BLNK: variants seen among roughly 807,000 people sequenced by gnomAD.
BLNK encodes B-cell linker protein.
In BLNK, 29 loss-of-function variants were observed where a neutral mutation model predicts 73.5. The observed-to-expected ratio is 0.39, with a 90% CI of 0.29 to 0.54. The LOEUF (loss-of-function observed/expected upper bound fraction) is 0.54. Among genes scored for constraint, BLNK ranks in the 20% least tolerant of loss-of-function variants. The pLI is 0.61. For synonymous variants in BLNK, 176 were observed against 200.8 expected (o/e 0.88, Z 1.04); for missense variants, 460 against 562.8 (o/e 0.82, Z 1.85).
intron 3 of BLNK, among the ~76,000 whole-genome samples, chr10:96,236,516 G>A (rs1434361703): frequency 2.0e-5 from 3 of 152,174 alleles, no homozygotes; most frequent in African/African-American, 2.4e-5. Flanking sequence ...GAGGTGTTCT[G>A]AGTCTAAATA....
At chr10:96,266,600 C>A (rs1844017482) in intron 1 of BLNK, among the ~76,000 whole-genome samples, 1 of 152,182 alleles carries the variant, frequency 6.6e-6, no homozygotes, top group African/African-American at 2.4e-5. Context: ...TCTGGGTAGT[C>A]CATCCATTGG....
At chr10:96,210,863 GTT>G (rs377260098) in intron 8 of BLNK, among the ~76,000 whole-genome samples, 198 of 121,908 alleles carry the variant, frequency 1.6e-3, no homozygotes, top group African/African-American at 5.9e-3. Flanking sequence ...CCACAATTCC[GTT>G]TTTTTTTTTT....
At chr10:96,238,512 C>T (rs1554905520) in intron 3 of BLNK, among the ~76,000 whole-genome samples, 2 of 152,174 alleles carry the variant, frequency 1.3e-5, no homozygotes, top group African/African-American at 4.8e-5. Context: ...CCTCCACACA[C>T]TACAGTTTCC....
chr10:96,220,377 C>T (rs2084169769), intron 6 of BLNK, among the ~76,000 whole-genome samples: 1 of 152,152 alleles, frequency 6.6e-6, no homozygotes, highest in African/African-American at 2.4e-5. Context: ...CATTTGTATT[C>T]CCAAAGAAGA....
At chr10:96,231,486 A>G (rs1842497080) in intron 3 of BLNK, among the ~76,000 whole-genome samples, 1 of 152,158 alleles carries the variant, frequency 6.6e-6, no homozygotes, top group African/African-American at 2.4e-5. Context: ...CAGCACTTTG[A>G]GAGGCCAAGG....
chr10:96,267,743 A>G (rs1434934204), intron 1 of BLNK, among the ~76,000 whole-genome samples: 2 of 152,248 alleles, frequency 1.3e-5, no homozygotes, highest in African/African-American at 4.8e-5. Context: ...AATAGACAAA[A>G]TAGTCAAAAT....
Position 96,216,712 on chromosome 10 carries a change from T to C in BLNK, c.548A>G (p.Glu183Gly). 6.2e-7 allele frequency: 1 copy of C among 1,614,108 alleles called. No individual in the cohort carries two copies. Among genetic ancestry groups the C allele is most frequent in the Non-Finnish European group, 8.5e-7 (1 of 1,179,964 alleles). Residue 183 changes from glutamate to glycine, a missense_variant, in exon 7 of 17, where the codon GAA becomes GGA. By Grantham distance (98) the Glu-to-Gly change is moderately conservative. Coordinates refer to ENST00000224337, the MANE Select transcript of BLNK (RefSeq NM_013314.4). Reference sequence around the variant, plus strand: ...ATGAATATAGTTTTCATCATTATCTTCCACGGGGACCACATAATCAGCCTA... The same window carrying C: ...ATGAATATAGTTTTCATCATTATCTCCCACGGGGACCACATAATCAGCCTA... ...EDEADYVVPV[E>G]DNDENYIHPT...
In BLNK at chr10:96,227,496, G is replaced by C. The variant is rs201576692; in HGVS notation, c.275C>G (p.Ala92Gly). 1 of 1,614,216 alleles carries C rather than the reference G, an allele frequency of 6.2e-7. No individual in the cohort carries two copies. Among genetic ancestry groups the C allele is most frequent in the Non-Finnish European group, 8.5e-7 (1 of 1,180,052 alleles). Residue 92 changes from alanine to glycine, a missense_variant, in exon 5 of 17, where the codon GCT becomes GGT. Coordinates refer to ENST00000224337, the MANE Select transcript of BLNK (RefSeq NM_013314.4). ...TGGAGGCGGCTCGTAGCTGTCATCA[G>C]CGTTCTCCTCGGCGGGCATCACGTA... ...EMYVMPAEEN[A>G]DDSYEPPPVE... is the part of the protein sequence containing the mutation.
At chr10:96,267,491 A>T (rs1844058770) in intron 1 of BLNK, among the ~76,000 whole-genome samples, 1 of 152,170 alleles carries the variant, frequency 6.6e-6, no homozygotes, top group Non-Finnish European at 1.5e-5. Flanking sequence ...GTTTCTGAAG[A>T]ACTGAACCAG....
intron 1 of BLNK, among the ~76,000 whole-genome samples, chr10:96,255,893 C>T (rs573021020): frequency 2.0e-4 from 30 of 152,210 alleles, no homozygotes; most frequent in Non-Finnish European, 3.4e-4. Context: ...AGCAGCTCCC[C>T]GGTATCTACT....
At chr10:96,207,737 A>T in intron 10 of BLNK, 135 bp downstream of exon 10, 1 of 1,049,328 alleles carries the variant, frequency 9.5e-7, no homozygotes, top group Non-Finnish European at 1.5e-6. Context: ...CTTCTCTTGG[A>T]CTGCTTGGGC....
intron 1 of BLNK, among the ~76,000 whole-genome samples, chr10:96,250,515 G>A (rs1843242115): frequency 6.6e-6 from 1 of 152,108 alleles, no homozygotes; most frequent in Non-Finnish European, 1.5e-5. Context: ...ATGGAGGGCA[G>A]AGGGCAGCTC....
At chr10:96,239,384 C>T (rs1415730534) in intron 3 of BLNK, among the ~76,000 whole-genome samples, 1 of 152,156 alleles carries the variant, frequency 6.6e-6, no homozygotes, top group African/African-American at 2.4e-5. Flanking sequence ...GCATGAGATG[C>T]CCAAGATTAC....
At chr10:96,192,455 T>C (rs1383087723) in intron 16 of BLNK, among the ~76,000 whole-genome samples, 1 of 152,206 alleles carries the variant, frequency 6.6e-6, no homozygotes, top group Non-Finnish European at 1.5e-5. Context: ...ATCTCTTACT[T>C]TGCACAAGTC....
chr10:96,236,981 C>CA (rs2134063404), intron 3 of BLNK, among the ~76,000 whole-genome samples: 1 of 152,306 alleles, frequency 6.6e-6, no homozygotes, highest in East Asian at 1.9e-4. Flanking sequence ...CCTCAGGAGT[C>CA]ACTTTGCCTC....
chr10:96,268,406 C>T (rs1564857463), intron 1 of BLNK, among the ~76,000 whole-genome samples: 1 of 151,992 alleles, frequency 6.6e-6, no homozygotes, highest in Admixed American at 6.6e-5. Flanking sequence ...ATAACTTTAC[C>T]TTATACAATT....
chr10:96,220,137 C>G (rs1484637417), intron 6 of BLNK, among the ~76,000 whole-genome samples: 2 of 152,210 alleles, frequency 1.3e-5, no homozygotes, highest in African/African-American at 4.8e-5. Flanking sequence ...TGAAGCCTGC[C>G]TCTAAAATCT....
chr10:96,216,342 A>G (rs2084064940), intron 7 of BLNK: 1 of 392,274 alleles, frequency 2.5e-6, no homozygotes, highest in Non-Finnish European at 4.8e-6. Context: ...GTGACATTGT[A>G]TTAGGTTTTA....
At chr10:96,241,022 C>T (rs1842865871) in intron 3 of BLNK, among the ~76,000 whole-genome samples, 1 of 152,212 alleles carries the variant, frequency 6.6e-6, no homozygotes, top group Non-Finnish European at 1.5e-5. Context: ...CATCCCCTGA[C>T]CAACTGTCTA....
Sources: gnomAD v4.1 joint callset for allele counts (sites outside exome capture counted in the v4.1 genomes callset) on GRCh38, gnomAD v4.1.1 for gene constraint, MANE v1.5 for transcripts, NCBI Gene and HGNC (gene_info 2026-07-23, HGNC 2026-07-21) for gene names.